LINGO2: variants seen among roughly 807,000 people sequenced by gnomAD.
The protein encoded by LINGO2 is leucine rich repeat and Ig domain containing 2.
A neutral mutation model predicts 30.6 loss-of-function variants in LINGO2; 14 were observed. That is an observed-to-expected ratio of 0.46 (90% CI 0.30 to 0.72). The LOEUF (loss-of-function observed/expected upper bound fraction) is 0.72. Among genes scored for constraint, LINGO2 ranks in the 30% least tolerant of loss-of-function variants. The pLI, the probability that LINGO2 is intolerant of heterozygous loss-of-function variation, is 0.07. For missense variants in LINGO2, 729 were observed against 751.7 expected (o/e 0.97, Z 0.35); for synonymous variants, 317 against 288.5 (o/e 1.10, Z -1.00).
At chr9:28,022,795 CCTTT>C (rs1161674001) in intron 4 of LINGO2, among the ~76,000 whole-genome samples, 1 of 151,902 alleles carries the variant, frequency 6.6e-6, no homozygotes, top group African/African-American at 2.4e-5. Context: ...TTTCTCTTCT[CCTTT>C]CTCTTTTAAT....
At chr9:28,991,475 G>T in the LINGO2 span, among the ~76,000 whole-genome samples, 1 of 146,038 alleles carries the variant, frequency 6.8e-6, no homozygotes, top group Non-Finnish European at 1.5e-5. Context: ...CCCCAATCTA[G>T]CAAGGCAGGC....
intron 1 of LINGO2, among the ~76,000 whole-genome samples, chr9:28,614,640 T>C (rs1826057867): frequency 6.6e-6 from 1 of 152,122 alleles, no homozygotes; most frequent in Non-Finnish European, 1.5e-5. Flanking sequence ...CAGAGAAATA[T>C]ATCGGTGAAA....
chr9:28,039,113 C>T (rs994740876), intron 4 of LINGO2, among the ~76,000 whole-genome samples: 2 of 152,088 alleles, frequency 1.3e-5, no homozygotes, highest in African/African-American at 2.4e-5. Context: ...GGGAAGAGGA[C>T]GGACCTCTAT....
chr9:29,155,542 C>T, the LINGO2 span, among the ~76,000 whole-genome samples: 1 of 143,958 alleles, frequency 6.9e-6, no homozygotes, highest in Non-Finnish European at 1.5e-5. Flanking sequence ...TTTTAGAAAA[C>T]TGTGAGGGTT....
chr9:28,875,147 T>C, the LINGO2 span, among the ~76,000 whole-genome samples: 1 of 152,104 alleles, frequency 6.6e-6, no homozygotes, highest in African/African-American at 2.4e-5. Context: ...CTCAATTAAC[T>C]TTTTCTCCTA....
At chr9:28,428,632 G>A (rs1044158791) in intron 2 of LINGO2, among the ~76,000 whole-genome samples, 3 of 152,068 alleles carry the variant, frequency 2.0e-5, no homozygotes, top group African/African-American at 7.2e-5. Flanking sequence ...TTTAATCAGA[G>A]CAGTTGCTGC....
At chr9:28,606,810 T>C (rs988243005) in intron 1 of LINGO2, among the ~76,000 whole-genome samples, 1 of 152,086 alleles carries the variant, frequency 6.6e-6, no homozygotes, top group Non-Finnish European at 1.5e-5. Context: ...AATTGAATCA[T>C]AAAACGAGTT....
At chr9:28,880,547 C>T in the LINGO2 span, among the ~76,000 whole-genome samples, 19 of 152,258 alleles carry the variant, frequency 1.2e-4, no homozygotes, top group African/African-American at 3.4e-4. Flanking sequence ...CCCTTGAAAG[C>T]GGGGTATTGT....
the LINGO2 span, among the ~76,000 whole-genome samples, chr9:28,704,235 A>G: frequency 6.6e-6 from 1 of 151,778 alleles, no homozygotes; most frequent in Admixed American, 6.6e-5. Context: ...AAATGTTTAA[A>G]TATTTCACCC....
At chr9:28,452,059 C>T (rs1373567579) in intron 2 of LINGO2, among the ~76,000 whole-genome samples, 1 of 151,614 alleles carries the variant, frequency 6.6e-6, no homozygotes, top group Non-Finnish European at 1.5e-5. Flanking sequence ...ACATGTTTTA[C>T]TTATTTATCC....
At chr9:28,373,690 A>G (rs532585247) in intron 2 of LINGO2, among the ~76,000 whole-genome samples, 45 of 152,268 alleles carry the variant, frequency 3.0e-4, no homozygotes, top group African/African-American at 1.0e-3. Context: ...ACCTGAGGTC[A>G]GGAGTTCAAG....
At chr9:28,228,762 T>C (rs1040728521) in intron 4 of LINGO2, among the ~76,000 whole-genome samples, 1 of 151,692 alleles carries the variant, frequency 6.6e-6, no homozygotes, top group African/African-American at 2.4e-5. Flanking sequence ...AAATTATTCT[T>C]AAAACAAAAT....
chr9:28,861,211 T>A, the LINGO2 span, among the ~76,000 whole-genome samples: 1 of 115,702 alleles, frequency 8.6e-6, no homozygotes, highest in East Asian at 2.1e-4. Context: ...ATATATTTTT[T>A]ATATAATATT....
At chr9:28,027,878 A>G (rs1039844204) in intron 4 of LINGO2, among the ~76,000 whole-genome samples, 3 of 152,158 alleles carry the variant, frequency 2.0e-5, no homozygotes, top group African/African-American at 2.4e-5. Flanking sequence ...TTTTGCCTCA[A>G]TATGTCTAAG....
intron 4 of LINGO2, among the ~76,000 whole-genome samples, chr9:28,020,237 C>T (rs181748140): frequency 1.3e-5 from 2 of 152,228 alleles, no homozygotes; most frequent in Admixed American, 6.5e-5. Flanking sequence ...TATCTGGTTT[C>T]AGTGTTAGGG....
At chr9:28,928,421 G>A in the LINGO2 span, among the ~76,000 whole-genome samples, 2 of 152,028 alleles carry the variant, frequency 1.3e-5, no homozygotes, top group Non-Finnish European at 2.9e-5. Flanking sequence ...CAGTCGTTAC[G>A]ATAGTTGACC....
the LINGO2 span, among the ~76,000 whole-genome samples, chr9:28,993,527 T>C: frequency 2.0e-5 from 3 of 151,998 alleles, no homozygotes; most frequent in East Asian, 3.9e-4. Context: ...GAGGCCAGCA[T>C]CATCCTGATA....
At chr9:28,797,434 C>T in the LINGO2 span, among the ~76,000 whole-genome samples, 1 of 140,644 alleles carries the variant, frequency 7.1e-6, no homozygotes, top group African/African-American at 2.6e-5. Context: ...TAGACCAAGA[C>T]AGAAATGATG....
chr9:28,076,771 G>A (rs1269241031), intron 4 of LINGO2, among the ~76,000 whole-genome samples: 2 of 152,032 alleles, frequency 1.3e-5, no homozygotes, highest in Admixed American at 6.6e-5. Context: ...CACATTAAAG[G>A]TCCATTCCAC....
Sources: gnomAD v4.1 joint callset for allele counts (sites outside exome capture counted in the v4.1 genomes callset) on GRCh38, gnomAD v4.1.1 for gene constraint, MANE v1.5 for transcripts, NCBI Gene and HGNC (gene_info 2026-07-23, HGNC 2026-07-21) for gene names.